ATG13: variants seen among roughly 807,000 people sequenced by gnomAD.
ATG13 encodes autophagy-related protein 13.
Under a neutral mutation model 65.5 loss-of-function variants are expected in ATG13, and 23 were observed. That is an observed-to-expected ratio of 0.35 (90% CI 0.25 to 0.50). The LOEUF (loss-of-function observed/expected upper bound fraction) is 0.50. Among genes scored for constraint, ATG13 ranks in the 20% least tolerant of loss-of-function variants. The pLI, the probability that ATG13 is intolerant of heterozygous loss-of-function variation, is 0.98. For missense variants in ATG13, 566 were observed against 677.0 expected (o/e 0.84, Z 1.82); for synonymous variants, 252 against 245.2 (o/e 1.03, Z -0.26).
intron 3 of ATG13, 150 bp downstream of exon 3, chr11:46,644,510 A>T: frequency 1.6e-6 from 1 of 618,230 alleles, no homozygotes; most frequent in Non-Finnish European, 2.7e-6. Flanking sequence ...CCAAACTGTG[A>T]GGTATGGGGG....
chr11:46,643,068 C>G (rs12787314), intron 2 of ATG13, among the ~76,000 whole-genome samples: 8,474 of 152,230 alleles, frequency 0.056, 297 homozygotes, highest in Non-Finnish European at 0.085. Flanking sequence ...AGGATTGAAA[C>G]TTGCCTAGTT....
intron 2 of ATG13, among the ~76,000 whole-genome samples, chr11:46,632,059 A>T (rs1443545361): frequency 6.6e-6 from 1 of 152,178 alleles, no homozygotes; most frequent in Non-Finnish European, 1.5e-5. Context: ...CTGTCTTATC[A>T]TGAAGAAAGG....
intron 1 of ATG13, among the ~76,000 whole-genome samples, chr11:46,622,994 G>A (rs2048260289): frequency 6.6e-6 from 1 of 152,108 alleles, no homozygotes; most frequent in Non-Finnish European, 1.5e-5. Flanking sequence ...CATTCTAGCT[G>A]TTTGAAAAAG....
intron 3 of ATG13, among the ~76,000 whole-genome samples, chr11:46,644,979 A>G (rs113807792): frequency 1.2e-4 from 18 of 152,324 alleles, no homozygotes; most frequent in African/African-American, 3.8e-4. Flanking sequence ...CCATGGTGTT[A>G]TAAGTTTGTG....
chr11:46,639,834 T>C (rs2055303433), intron 2 of ATG13, among the ~76,000 whole-genome samples: 1 of 151,668 alleles, frequency 6.6e-6, no homozygotes, highest in African/African-American at 2.4e-5. Context: ...TCTGCTGTAC[T>C]TCAGGATCTG....
intron 18 of ATG13, among the ~76,000 whole-genome samples, chr11:46,670,420 G>T (rs577648182): frequency 6.6e-6 from 1 of 150,902 alleles, no homozygotes; most frequent in Non-Finnish European, 1.5e-5. Flanking sequence ...GGTGGGGGTT[G>T]CAGTGAGCCA....
intron 1 of ATG13, chr11:46,618,135 A>C (rs2045934066): frequency 2.7e-6 from 1 of 374,142 alleles, no homozygotes; most frequent in African/African-American, 2.1e-5. Context: ...TCCTTGGGTT[A>C]GGTCGTCAGG....
At chr11:46,625,022 TAATC>T (rs1345659470) in intron 1 of ATG13, among the ~76,000 whole-genome samples, 1 of 151,828 alleles carries the variant, frequency 6.6e-6, no homozygotes, top group Non-Finnish European at 1.5e-5. Context: ...CTCCAAAAGA[TAATC>T]AACTCATTCA....
At chr11:46,647,227 G>T (rs1362485621) in intron 5 of ATG13, among the ~76,000 whole-genome samples, 1 of 151,096 alleles carries the variant, frequency 6.6e-6, no homozygotes, top group Non-Finnish European at 1.5e-5. Flanking sequence ...TGTTTCTAGA[G>T]TGTGACTTGC....
intron 10 of ATG13, among the ~76,000 whole-genome samples, chr11:46,658,337 AG>A (rs1565572604): frequency 6.6e-6 from 1 of 152,156 alleles, no homozygotes. Context: ...TGTTTCGTGG[AG>A]TCTCTACTAC....
At chr11:46,654,774 C>A (rs1322560852) in intron 7 of ATG13, among the ~76,000 whole-genome samples, 1 of 151,600 alleles carries the variant, frequency 6.6e-6, no homozygotes, top group Non-Finnish European at 1.5e-5. Flanking sequence ...AATAGTTAGA[C>A]CCTGTCTCTA....
intron 11 of ATG13, among the ~76,000 whole-genome samples, chr11:46,660,753 G>C (rs2061017704): frequency 6.6e-6 from 1 of 151,090 alleles, no homozygotes; most frequent in African/African-American, 2.4e-5. Context: ...CTGTTACTCA[G>C]GCTGGAGTGC....
chr11:46,621,932 A>G (rs1181905172), intron 1 of ATG13, among the ~76,000 whole-genome samples: 1 of 150,356 alleles, frequency 6.7e-6, no homozygotes, highest in East Asian at 1.9e-4. Context: ...AATATCTACC[A>G]TTTTTCTAGT....
chr11:46,633,384 T>C (rs1028698438), intron 2 of ATG13, among the ~76,000 whole-genome samples: 1 of 151,830 alleles, frequency 6.6e-6, no homozygotes, highest in Non-Finnish European at 1.5e-5. Flanking sequence ...GTTTTGCTCT[T>C]GTTGCCTAGG....
chr11:46,647,029 G>C (rs778877132), intron 5 of ATG13, among the ~76,000 whole-genome samples: 9 of 152,184 alleles, frequency 5.9e-5, no homozygotes, highest in Middle Eastern at 3.4e-3. Context: ...CAGAGTGCTG[G>C]GATTACAGGG....
At chr11:46,659,655 T>G in intron 11 of ATG13, 170 bp downstream of exon 11, 2 of 550,368 alleles carry the variant, frequency 3.6e-6, no homozygotes, top group Non-Finnish European at 6.4e-6. Flanking sequence ...ATAGTATTTC[T>G]AGTCTGTAAT....
intron 7 of ATG13, among the ~76,000 whole-genome samples, chr11:46,653,912 A>G (rs1388969284): frequency 6.6e-6 from 1 of 152,042 alleles, no homozygotes; most frequent in Non-Finnish European, 1.5e-5. Flanking sequence ...TATTGAATAA[A>G]CCCATGTGTA....
chr11:46,623,923 T>C (rs1034664526), intron 1 of ATG13, among the ~76,000 whole-genome samples: 2 of 150,574 alleles, frequency 1.3e-5, no homozygotes, highest in Admixed American at 1.3e-4. Flanking sequence ...TTCTTATTCT[T>C]TTTTTTTTTT....
intron 14 of ATG13, 33 bp from the exon 15 acceptor site, chr11:46,667,740 A>G: frequency 3.2e-6 from 5 of 1,538,620 alleles, no homozygotes; most frequent in Non-Finnish European, 4.5e-6. Context: ...CTGTGGTTTG[A>G]GAACGAGTAC....
Sources: gnomAD v4.1 joint callset for allele counts (sites outside exome capture counted in the v4.1 genomes callset) on GRCh38, gnomAD v4.1.1 for gene constraint, MANE v1.5 for transcripts, NCBI Gene and HGNC (gene_info 2026-07-23, HGNC 2026-07-21) for gene names.